RELB: variants seen among roughly 807,000 people sequenced by gnomAD.
RELB encodes the protein transcription factor RelB.
Under a neutral mutation model 55.4 loss-of-function variants are expected in RELB, and 14 were observed. The observed-to-expected ratio is 0.25, with a 90% CI of 0.17 to 0.40. RELB has a LOEUF of 0.40. RELB is among the 10% of genes least tolerant of loss of function. The pLI is 1.00. For synonymous variants in RELB, 409 were observed against 371.3 expected (o/e 1.10, Z -1.17); for missense variants, 669 against 830.7 (o/e 0.81, Z 2.39).
At chr19:45,006,955 GAAAAAAA>G (rs961433718) in intron 2 of RELB, among the ~76,000 whole-genome samples, 5 of 91,836 alleles carry the variant, frequency 5.4e-5, no homozygotes, top group Admixed American at 2.5e-4. Flanking sequence ...AACTCCATCT[GAAAAAAA>G]AAAAAAAAAA....
At chr19:45,003,919 T>TTG (rs1555724874) in intron 2 of RELB, among the ~76,000 whole-genome samples, 17 of 91,910 alleles carry the variant, frequency 1.8e-4, no homozygotes, top group Non-Finnish European at 3.2e-4. Context: ...TTTTGTGTTT[T>TTG]TTTTTTTTTT....
Position 45,037,788 on chromosome 19 carries a change from T to A in RELB, c.1738T>A (p.Ter580LysextTer55). ...CCTATCCCCGGGGCCTGAAGCCACG[T>A]AGCCCCGCGATGCCAGAGGAGGGGC... ...GLLSPGPEAT[*>K] The change falls in exon 12 of 12, where the codon TAG becomes AAG. Residue 580 changes from the stop codon to lysine (K), a stop_lost. Transcript: ENST00000221452. 1 of 1,481,416 alleles carries A rather than the reference T, an allele frequency of 6.8e-7. No individual in the cohort carries two copies. Among genetic ancestry groups the A allele is most frequent in the Non-Finnish European group, 8.9e-7 (1 of 1,119,378 alleles). 91.8% of individuals were successfully genotyped at this position (1,481,416 alleles called of 1,614,324 possible).
chr19:45,019,409 A>G (rs185334427), intron 4 of RELB, among the ~76,000 whole-genome samples: 74 of 152,236 alleles, frequency 4.9e-4, no homozygotes, highest in African/African-American at 1.7e-3. Context: ...AATTGTAGCC[A>G]TCATGCTACT....
At position 45,025,413 on chromosome 19, in the gene RELB, C is replaced by G. The variant is rs1196337753; in HGVS notation, c.747C>G (p.Pro249=). Residue 249 remains proline, a synonymous_variant, in exon 6 of 12, where the codon CCC becomes CCG. Transcript: ENST00000221452. ...GGAAGATTCAACTGGGCATTGACCC[C>G]TACAACGGTGAGCACCCCCTGCCTG... ...IERKIQLGID[P]YNAGSLKNHQ... is the part of the protein sequence containing the mutation. 1 of 1,611,236 alleles carries G rather than the reference C, an allele frequency of 6.2e-7. No individual in the cohort carries two copies. The highest frequency in any genetic ancestry group is 2.2e-5 in the East Asian group (1 of 44,794).
chr19:45,036,393 A>T (rs974731717), intron 11 of RELB, among the ~76,000 whole-genome samples: 1 of 151,998 alleles, frequency 6.6e-6, no homozygotes, highest in Non-Finnish European at 1.5e-5. Context: ...TCTTATAATG[A>T]AACTTTTTGA....
At chr19:45,033,571 G>C (rs1269753194) in intron 9 of RELB, among the ~76,000 whole-genome samples, 1 of 151,682 alleles carries the variant, frequency 6.6e-6, no homozygotes, top group African/African-American at 2.4e-5. Context: ...TATAGTCCCA[G>C]CTACTCGGGA....
chr19:45,024,538 AG>A (rs1971534189), intron 5 of RELB, among the ~76,000 whole-genome samples: 1 of 151,234 alleles, frequency 6.6e-6, no homozygotes, highest in South Asian at 2.1e-4. Flanking sequence ...GATCTTCTCA[AG>A]AACCTTTGAC....
chr19:45,012,965 G>T (rs1016160926), intron 4 of RELB, among the ~76,000 whole-genome samples: 3 of 151,802 alleles, frequency 2.0e-5, no homozygotes, highest in Admixed American at 6.6e-5. Context: ...TGGGAGGATC[G>T]CTTGAGCCTA....
At chr19:45,008,864 C>T (rs1005747403) in intron 2 of RELB, 4 of 221,624 alleles carry the variant, frequency 1.8e-5, no homozygotes, top group South Asian at 6.7e-5. Flanking sequence ...TATGGAATGA[C>T]GGGAGGTCGG....
rs1345716924 is a variant in RELB, at chr19:45,021,939, A to G, written c.505-114A>G. 8.2e-6 allele frequency: 9 copies of G among 1,091,438 alleles called. No homozygotes were observed. The African/African-American group carries it at 1.3e-4, about 16-fold the overall frequency. 67.6% of individuals were successfully genotyped at this position (1,091,438 alleles called of 1,614,324 possible). On this transcript the variant is annotated intron_variant, in intron 4 of 11. Transcript: ENST00000221452. Reference sequence around the variant, plus strand: ...GCGGGAGAAGGTTGGGGAGCTCCCAACAGAGGACCCTAGTGGGGAGAGGAT... The same window carrying G: ...GCGGGAGAAGGTTGGGGAGCTCCCAGCAGAGGACCCTAGTGGGGAGAGGAT...
Position 45,011,982 on chromosome 19 carries a change from G to T in RELB, c.210G>T (p.Gly70=), listed in dbSNP as rs1308356691. 6.4e-7 allele frequency: 1 copy of T among 1,573,060 alleles called. No homozygotes were observed. Among genetic ancestry groups the T allele is most frequent in the Non-Finnish European group, 8.6e-7 (1 of 1,165,018 alleles). ...AGGAGAACGGCTTCGGCCTGGACGG[G>T]GGACAGCCGGGCCCGGGCGAGGGGC... ...YIKENGFGLD[G]GQPGPGEGLP... The change falls in exon 4 of 12, where the codon GGG becomes GGT. Residue 70 remains glycine (G), a synonymous_variant. Coordinates refer to ENST00000221452, the MANE Select transcript of RELB (RefSeq NM_006509.4).
chr19:45,022,298 G>A (rs1222383397), intron 5 of RELB, 88 bp downstream of exon 5: 14 of 1,346,696 alleles, frequency 1.0e-5, no homozygotes, highest in Admixed American at 2.2e-5. Flanking sequence ...TAGAGCAGAG[G>A]GCAGCTTGGG....
chr19:45,005,072 G>A (rs1010323332), intron 2 of RELB, among the ~76,000 whole-genome samples: 5 of 152,122 alleles, frequency 3.3e-5, no homozygotes, highest in African/African-American at 1.2e-4. Context: ...TTGGGAGGCT[G>A]AGGCAGGAGA....
intron 2 of RELB, among the ~76,000 whole-genome samples, chr19:45,005,948 A>G (rs568823948): frequency 7.3e-4 from 111 of 152,188 alleles, no homozygotes; most frequent in African/African-American, 2.6e-3. Flanking sequence ...TTTGGTTTCA[A>G]ATGAGAGTTA....
intron 5 of RELB, among the ~76,000 whole-genome samples, chr19:45,024,494 G>A (rs1184261584): frequency 2.0e-5 from 3 of 152,058 alleles, no homozygotes; most frequent in African/African-American, 7.2e-5. Flanking sequence ...AAGTTGGCCA[G>A]TGTTCTCACA....
At position 45,011,917 on chromosome 19, in the gene RELB, G is replaced by T. The variant is rs551688712; in HGVS notation, c.164-19G>T. On this transcript the variant is annotated intron_variant, in intron 3 of 11. Coordinates refer to ENST00000221452, the MANE Select transcript of RELB (RefSeq NM_006509.4). ...TTTTAAAGAATGGGCGTCACCACCC[G>T]TTTTTTCTTCTCCCGCAGAGATCAT... The T allele has an allele frequency of 2.4e-5, 35 of 1,432,194 alleles. No individual in the cohort carries two copies. In the Admixed American group the frequency reaches 9.5e-4, roughly 39 times the overall value. 88.7% of individuals were successfully genotyped at this position (1,432,194 alleles called of 1,614,324 possible). A position where few individuals can be genotyped will look rare whatever the true frequency, so the allele number is the denominator to read the frequency against.
In RELB at chr19:45,036,907, G is replaced by A. The variant is rs1230236809; in HGVS notation, c.1355-498G>A. On this transcript the variant is annotated intron_variant, in intron 11 of 11. Coordinates refer to ENST00000221452, the MANE Select transcript of RELB (RefSeq NM_006509.4). Reference sequence around the variant, plus strand: ...CACGTTGTGCTGGGATTACAGGTGTGAACCACCACGCTTGGCCTTCAATTT... The same window carrying A: ...CACGTTGTGCTGGGATTACAGGTGTAAACCACCACGCTTGGCCTTCAATTT... 5.3e-5 allele frequency among the ~76,000 whole-genome samples: 8 copies of A among 152,000 alleles called. No individual in the cohort carries two copies. The East Asian group carries it at 1.2e-3, about 22-fold the overall frequency.
At chr19:45,011,910 A>G in intron 3 of RELB, 26 bp from the exon 4 acceptor site, 2 of 1,369,940 alleles carry the variant, frequency 1.5e-6, no homozygotes, top group Admixed American at 3.3e-5. Flanking sequence ...AATGGGCGTC[A>G]CCACCCGTTT....
Position 45,011,441 on chromosome 19 carries a change from C to T in RELB, c.164-495C>T, listed in dbSNP as rs891103525. 2.0e-5 allele frequency among the ~76,000 whole-genome samples: 3 copies of T among 152,094 alleles called. 1 individual carries two copies. Among genetic ancestry groups the T allele is most frequent in the Non-Finnish European group, 4.4e-5 (3 of 68,020 alleles). ...CCTCCCGAAATGCTGGGATTACAGG[C>T]ATGAGCCACCGCGCCCAGCCTATTA... On this transcript the variant is annotated intron_variant, in intron 3 of 11. Transcript: ENST00000221452.
Sources: gnomAD v4.1 joint callset for allele counts (sites outside exome capture counted in the v4.1 genomes callset) on GRCh38, gnomAD v4.1.1 for gene constraint, MANE v1.5 for transcripts, NCBI Gene and HGNC (gene_info 2026-07-23, HGNC 2026-07-21) for gene names.